The following SLCO1B3 variants were observed in gnomAD, a reference collection of about 807,000 sequenced individuals.
SLCO1B3 encodes the protein liver-specific organic anion transporter 2.
A neutral mutation model predicts 71.8 loss-of-function variants in SLCO1B3; 72 were observed. That is an observed-to-expected ratio of 1.00 (90% confidence interval 0.83 to 1.22). The LOEUF is 1.22. Among genes scored for constraint, SLCO1B3 ranks in the 50% most tolerant of loss-of-function variants. The pLI, the probability that SLCO1B3 is intolerant of heterozygous loss-of-function variation, is 0.00. For synonymous variants in SLCO1B3, 298 were observed against 278.4 expected, an observed-to-expected ratio of 1.07 and a Z score of -0.70; for missense variants, 911 against 819.7, an observed-to-expected ratio of 1.11 and a Z score of -1.36.
intron 3 of SLCO1B3, among the ~76,000 whole-genome samples, chr12:20,822,834 C>A (rs990487700): frequency 6.6e-6 from 1 of 152,134 alleles, no homozygotes; most frequent in Non-Finnish European, 1.5e-5. Flanking sequence ...CAGCTTTTAG[C>A]TTAATTTTGT....
At chr12:20,860,710 TA>T (rs1173710941) in intron 5 of SLCO1B3, among the ~76,000 whole-genome samples, 1 of 151,012 alleles carries the variant, frequency 6.6e-6, no homozygotes, top group Admixed American at 6.6e-5. Context: ...AGTTAACAGA[TA>T]AAAAAACAAC....
chr12:20,908,232 T>C (rs1416204013), intron 15 of SLCO1B3, among the ~76,000 whole-genome samples: 3 of 152,226 alleles, frequency 2.0e-5, no homozygotes, highest in Non-Finnish European at 2.9e-5. Context: ...TTTTTTAGAA[T>C]AGTTTCAGAA....
intron 2 of SLCO1B3, among the ~76,000 whole-genome samples, chr12:20,814,845 C>T (rs576209152): frequency 2.0e-5 from 3 of 151,470 alleles, no homozygotes; most frequent in East Asian, 3.9e-4. Context: ...TACAGTGAGC[C>T]GAGATCACGC....
At position 20,883,552 on chromosome 12, in the gene SLCO1B3, CTCTT is replaced by C; in HGVS notation, c.1634_1637del (p.Ser545CysfsTer13). 2 of 1,602,388 alleles carry C rather than the reference CTCTT, an allele frequency of 1.2e-6. No homozygotes were observed. The highest frequency in any genetic ancestry group is 1.7e-6 in the Non-Finnish European group (2 of 1,176,038). ...TCTATGTTGCAATTCAAGTCATAAA[CTCTT>C]TGTTCTCTGCAACAGGAGGTACCAC... is the stretch of plus-strand genomic sequence containing the variant. On this transcript the variant is annotated frameshift_variant, in exon 13 of 16. Transcript: ENST00000381545. LOFTEE classifies it high-confidence loss of function.
At chr12:20,843,341 A>G (rs546156683) in intron 3 of SLCO1B3, among the ~76,000 whole-genome samples, 1 of 152,172 alleles carries the variant, frequency 6.6e-6, no homozygotes, top group East Asian at 1.9e-4. Context: ...GTTTTATTGA[A>G]GTATATCTTC....
At chr12:20,881,111 G>T (rs1286662405) in intron 12 of SLCO1B3, 91 bp downstream of exon 12, 4 of 914,474 alleles carry the variant, frequency 4.4e-6, no homozygotes, top group Middle Eastern at 2.3e-4. Context: ...TATAACTAAG[G>T]TCTCCAATAA....
At chr12:20,837,039 G>C (rs930447642) in intron 3 of SLCO1B3, among the ~76,000 whole-genome samples, 4 of 152,168 alleles carry the variant, frequency 2.6e-5, no homozygotes, top group African/African-American at 9.7e-5. Context: ...AGGAGTTTGA[G>C]TAGATTGTTT....
chr12:20,858,218 C>T (rs1300406251), intron 4 of SLCO1B3, among the ~76,000 whole-genome samples: 1 of 152,018 alleles, frequency 6.6e-6, no homozygotes, highest in African/African-American at 2.4e-5. Context: ...CCAAATTACC[C>T]AAGTGCTTTC....
At chr12:20,832,179 T>C (rs1197160560) in intron 3 of SLCO1B3, among the ~76,000 whole-genome samples, 3 of 152,172 alleles carry the variant, frequency 2.0e-5, no homozygotes, top group African/African-American at 7.2e-5. Context: ...TTATTCAGTA[T>C]CAAACAACCA....
intron 4 of SLCO1B3, among the ~76,000 whole-genome samples, chr12:20,855,974 A>G (rs74067318): frequency 6.6e-6 from 1 of 151,956 alleles, no homozygotes; most frequent in Non-Finnish European, 1.5e-5. Context: ...TATTTACACA[A>G]TGCTTAACTA....
chr12:20,874,512 T>C (rs1219173905), intron 8 of SLCO1B3, among the ~76,000 whole-genome samples: 1 of 152,212 alleles, frequency 6.6e-6, no homozygotes, highest in Non-Finnish European at 1.5e-5. Context: ...TGATATCTCA[T>C]GGATGCATTC....
intron 13 of SLCO1B3, among the ~76,000 whole-genome samples, chr12:20,896,180 T>G (rs1385615328): frequency 1.3e-5 from 2 of 149,012 alleles, no homozygotes; most frequent in Non-Finnish European, 3.0e-5. Flanking sequence ...TAAAGACATT[T>G]TCCCCATTGT....
chr12:20,862,718 T>A (rs1297824070), intron 7 of SLCO1B3, 38 bp from the exon 8 acceptor site: 1 of 1,524,586 alleles, frequency 6.6e-7, no homozygotes, highest in Non-Finnish European at 9.0e-7. Flanking sequence ...AACCAAGTAT[T>A]TGTGACATCT....
intron 3 of SLCO1B3, among the ~76,000 whole-genome samples, chr12:20,850,761 G>T: frequency 6.6e-6 from 1 of 152,196 alleles, no homozygotes; most frequent in East Asian, 1.9e-4. Context: ...TGCAATATTT[G>T]ATTTTCTGTT....
intron 3 of SLCO1B3, among the ~76,000 whole-genome samples, chr12:20,844,583 T>G (rs1439646172): frequency 6.6e-6 from 1 of 151,590 alleles, no homozygotes; most frequent in Non-Finnish European, 1.5e-5. Context: ...AAAAAAAAAT[T>G]CCATCTTGCA....
chr12:20,916,525 A>G lies in SLCO1B3; in HGVS notation c.*278A>G. 4.2e-6 allele frequency: 1 copy of G among 240,124 alleles called. No individual in the cohort carries two copies. The highest frequency in any genetic ancestry group is 2.2e-5 in the African/African-American group (1 of 45,026). 14.9% of individuals were successfully genotyped at this position (240,124 alleles called of 1,614,324 possible). Reference sequence around the variant, plus strand: ...GTAACTGCTAATAAAACCAGTGACTAGAATATAAGGGAGGTAAAAAGGACA... The same window carrying G: ...GTAACTGCTAATAAAACCAGTGACTGGAATATAAGGGAGGTAAAAAGGACA... On this transcript the variant is annotated 3_prime_UTR_variant, in exon 16 of 16. Transcript: ENST00000381545.
intron 14 of SLCO1B3, among the ~76,000 whole-genome samples, chr12:20,900,603 C>T (rs1866109696): frequency 6.6e-6 from 1 of 152,200 alleles, no homozygotes; most frequent in African/African-American, 2.4e-5. Flanking sequence ...AAAATATATG[C>T]ACCATTGTGC....
intron 13 of SLCO1B3, among the ~76,000 whole-genome samples, chr12:20,896,856 T>C (rs1277599009): frequency 1.3e-5 from 2 of 152,184 alleles, no homozygotes; most frequent in African/African-American, 4.8e-5. Flanking sequence ...TATAGTTCCA[T>C]GTGGCTGGGG....
intron 3 of SLCO1B3, among the ~76,000 whole-genome samples, chr12:20,819,927 G>A (rs547760478): frequency 4.5e-4 from 68 of 152,130 alleles, no homozygotes; most frequent in Middle Eastern, 3.4e-3. Flanking sequence ...AATGAGATGC[G>A]GCTGTAGTCC....
Sources: gnomAD v4.1 joint callset for allele counts (sites outside exome capture counted in the v4.1 genomes callset) on GRCh38, gnomAD v4.1.1 for gene constraint, MANE v1.5 for transcripts, NCBI Gene and HGNC (gene_info 2026-07-23, HGNC 2026-07-21) for gene names.